Variants in SNAPC3 observed in about 807,000 individuals in gnomAD.
SNAPC3 encodes snRNA-activating protein complex subunit 3.
In SNAPC3, 56 loss-of-function variants were observed where a neutral mutation model predicts 47.7. That is an observed-to-expected ratio of 1.18 (90% CI 0.95 to 1.47). SNAPC3 has a LOEUF of 1.47. Ranked by LOEUF, SNAPC3 falls within the 40% of genes most tolerant of loss-of-function variation. The pLI, the probability that SNAPC3 is intolerant of heterozygous loss-of-function variation, is 0.00. For synonymous variants in SNAPC3, 235 were observed against 189.9 expected (o/e 1.24, Z -1.95); for missense variants, 665 against 511.3 (o/e 1.30, Z -2.90).
chr9:15,426,154 C>G (rs973300307), intron 2 of SNAPC3, among the ~76,000 whole-genome samples: 1 of 152,170 alleles, frequency 6.6e-6, no homozygotes, highest in African/African-American at 2.4e-5. Flanking sequence ...GCACCTGGCC[C>G]GACCTTGCTG....
chr9:15,439,455 A>G (rs10756665), intron 3 of SNAPC3, among the ~76,000 whole-genome samples: 125,426 of 152,178 alleles, frequency 0.82, 52,779 homozygotes, highest in Non-Finnish European at 0.91. Flanking sequence ...TCTTAGGCTC[A>G]AGTAATACTC....
At chr9:15,440,572 T>A (rs1020814263) in intron 3 of SNAPC3, among the ~76,000 whole-genome samples, 1 of 152,122 alleles carries the variant, frequency 6.6e-6, no homozygotes, top group Admixed American at 6.6e-5. Context: ...GTTCCCATAG[T>A]CTCAGTTACT....
At chr9:15,435,605 C>T (rs1459973691) in intron 3 of SNAPC3, among the ~76,000 whole-genome samples, 1 of 151,382 alleles carries the variant, frequency 6.6e-6, no homozygotes, top group Non-Finnish European at 1.5e-5. Flanking sequence ...GTGGCAGGCG[C>T]CTGTAATCCC....
At chr9:15,455,985 C>T (rs914697354) in intron 7 of SNAPC3, among the ~76,000 whole-genome samples, 1 of 151,256 alleles carries the variant, frequency 6.6e-6, no homozygotes, top group Non-Finnish European at 1.5e-5. Context: ...GGCAATTCTT[C>T]TGCCTCAGCC....
chr9:15,449,231 C>T (rs1387884277), intron 5 of SNAPC3, among the ~76,000 whole-genome samples: 1 of 152,034 alleles, frequency 6.6e-6, no homozygotes, highest in African/African-American at 2.4e-5. Flanking sequence ...TCTGAATTTA[C>T]CCTCTTCACT....
At chr9:15,466,466 G>C (rs1285004713), downstream of SNAPC3, among the ~76,000 whole-genome samples, 1 of 152,232 alleles carries the variant, frequency 6.6e-6, no homozygotes, top group Non-Finnish European at 1.5e-5. Flanking sequence ...GTGAATGCAA[G>C]TCATTACTAA....
At chr9:15,440,948 CA>C (rs1199527486) in intron 3 of SNAPC3, among the ~76,000 whole-genome samples, 6,379 of 121,546 alleles carry the variant, frequency 0.052, 434 homozygotes, top group African/African-American at 0.19. Context: ...GACTCCGTCT[CA>C]AAAAAAAAAA....
At chr9:15,453,939 C>G (rs1417302275) in intron 7 of SNAPC3, among the ~76,000 whole-genome samples, 1 of 152,110 alleles carries the variant, frequency 6.6e-6, no homozygotes, top group African/African-American at 2.4e-5. Flanking sequence ...TATTATACCA[C>G]TAATAGAAAC....
intron 7 of SNAPC3, among the ~76,000 whole-genome samples, chr9:15,457,350 C>T (rs2034871249): frequency 6.6e-6 from 1 of 151,978 alleles, no homozygotes; most frequent in Non-Finnish European, 1.5e-5. Context: ...ATCCCAGCAC[C>T]TTGGGAGGCT....
chr9:15,423,589 C>G (rs1249486524), intron 1 of SNAPC3, among the ~76,000 whole-genome samples: 1 of 152,112 alleles, frequency 6.6e-6, no homozygotes, highest in Non-Finnish European at 1.5e-5. Flanking sequence ...GTGTTAAAAC[C>G]CCGACTAACT....
chr9:15,428,378 G>A (rs1324934950), intron 2 of SNAPC3, among the ~76,000 whole-genome samples: 16 of 151,148 alleles, frequency 1.1e-4, no homozygotes, highest in Non-Finnish European at 2.2e-4. Flanking sequence ...TCGTGGTGGC[G>A]GGCGCCTGTA....
At chr9:15,451,222 G>A (rs1184901392) in intron 5 of SNAPC3, 98 bp from the exon 6 acceptor site, 1 of 465,374 alleles carries the variant, frequency 2.1e-6, no homozygotes, top group Non-Finnish European at 3.8e-6. Flanking sequence ...ACACATATTA[G>A]TGTGATTTTA....
chr9:15,427,493 C>T (rs926574299), intron 2 of SNAPC3, among the ~76,000 whole-genome samples: 3 of 152,126 alleles, frequency 2.0e-5, no homozygotes, highest in South Asian at 2.1e-4. Flanking sequence ...GGATTACTGG[C>T]GTGTGCCACC....
chr9:15,454,921 A>C (rs189479198), intron 7 of SNAPC3, among the ~76,000 whole-genome samples: 4 of 152,186 alleles, frequency 2.6e-5, no homozygotes, highest in Non-Finnish European at 4.4e-5. Flanking sequence ...GTGACAGAGC[A>C]AGACTCCATA....
intron 2 of SNAPC3, chr9:15,431,787 A>G (rs1351388353): frequency 6.6e-6 from 1 of 152,176 alleles, no homozygotes; most frequent in Non-Finnish European, 1.5e-5. Flanking sequence ...ACTGAATTCA[A>G]AAACTAAAAA....
chr9:15,466,707 T>C (rs745326700), downstream of SNAPC3: 9 of 1,478,296 alleles, frequency 6.1e-6, no homozygotes, highest in Non-Finnish European at 8.3e-6. Flanking sequence ...AAAACCTGAA[T>C]AATAAAAAAC....
At chr9:15,426,649 TTAA>T (rs2031441078) in intron 2 of SNAPC3, among the ~76,000 whole-genome samples, 2 of 152,242 alleles carry the variant, frequency 1.3e-5, no homozygotes, top group Admixed American at 1.3e-4. Flanking sequence ...TTTGCTATAG[TTAA>T]TAATGTATTC....
intron 3 of SNAPC3, among the ~76,000 whole-genome samples, chr9:15,441,380 T>TTAC (rs2131846043): frequency 9.2e-6 from 1 of 108,852 alleles, no homozygotes; most frequent in Admixed American, 1.1e-4. Flanking sequence ...AGAGTTCCCT[T>TTAC]TTCTTTTTTT....
chr9:15,448,950 C>T (rs79399251), intron 5 of SNAPC3, among the ~76,000 whole-genome samples: 6,139 of 152,050 alleles, frequency 0.04, 136 homozygotes, highest in South Asian at 0.069. Context: ...GCTGGGATTA[C>T]AGGTGGCCCC....
Sources: allele counts gnomAD v4.1 joint callset (sites outside exome capture counted in the v4.1 genomes callset), GRCh38; gene constraint gnomAD v4.1.1; transcripts MANE v1.5; gene names NCBI Gene and HGNC (gene_info 2026-07-23, HGNC 2026-07-21).